RIT2: variants seen among roughly 807,000 people sequenced by gnomAD.
RIT2 encodes Ras like without CAAX 2, also known as GTP-binding protein Rit2.
RIT2 carries 24 observed loss-of-function variants against 23.7 expected under a neutral mutation model. The ratio of observed to expected loss-of-function variants is 1.01; its 90% CI spans 0.73 to 1.43. RIT2 has a LOEUF of 1.43. Ranked by LOEUF, RIT2 falls within the 40% of genes most tolerant of loss-of-function variation. The probability of loss-of-function intolerance (pLI) is 0.00; values close to 1 mark genes in which losing one functional copy is unlikely to be tolerated. For synonymous variants in RIT2, 107 were observed against 91.1 expected, an observed-to-expected ratio of 1.17 and a Z score of -0.99; for missense variants, 236 against 266.9, an observed-to-expected ratio of 0.88 and a Z score of 0.81.
chr18:43,082,613 A>T (rs1192790079), intron 1 of RIT2, among the ~76,000 whole-genome samples: 1 of 152,164 alleles, frequency 6.6e-6, no homozygotes, highest in Non-Finnish European at 1.5e-5. Flanking sequence ...CATAAACAGA[A>T]CCAATGACAA....
chr18:42,941,285 G>A (rs1035316802), intron 3 of RIT2, among the ~76,000 whole-genome samples: 1 of 152,128 alleles, frequency 6.6e-6, no homozygotes, highest in Admixed American at 6.6e-5. Flanking sequence ...AACCCGTCAA[G>A]ATGGTATGAT....
At chr18:42,888,881 T>C (rs575330930) in intron 4 of RIT2, among the ~76,000 whole-genome samples, 4 of 151,890 alleles carry the variant, frequency 2.6e-5, no homozygotes, top group South Asian at 2.1e-4. Context: ...GACATAAACA[T>C]GGAAACAATA....
At chr18:42,957,564 A>C (rs941698117) in intron 3 of RIT2, among the ~76,000 whole-genome samples, 1 of 152,146 alleles carries the variant, frequency 6.6e-6, no homozygotes, top group East Asian at 1.9e-4. Context: ...CAGGTGGATC[A>C]CTTGAGGTCA....
intron 4 of RIT2, among the ~76,000 whole-genome samples, chr18:42,814,374 G>T (rs1190610295): frequency 6.6e-6 from 1 of 152,156 alleles, no homozygotes; most frequent in East Asian, 1.9e-4. Flanking sequence ...GGTGCTATTG[G>T]TGGGGGCACA....
intron 2 of RIT2, among the ~76,000 whole-genome samples, chr18:42,997,782 A>C (rs1342096841): frequency 6.6e-6 from 1 of 152,190 alleles, no homozygotes; most frequent in South Asian, 2.1e-4. Flanking sequence ...TACCATCTCA[A>C]GGTGTTCCCA....
At chr18:43,050,494 T>C (rs182920725) in intron 1 of RIT2, among the ~76,000 whole-genome samples, 1 of 152,198 alleles carries the variant, frequency 6.6e-6, no homozygotes, top group Admixed American at 6.5e-5. Context: ...GGTGTGGTGT[T>C]ATGGTGTTTT....
intron 3 of RIT2, among the ~76,000 whole-genome samples, chr18:42,951,414 G>A (rs903903508): frequency 7.3e-5 from 11 of 151,702 alleles, no homozygotes; most frequent in African/African-American, 2.2e-4. Flanking sequence ...AGTAGATACC[G>A]GGGACTGCTA....
intron 4 of RIT2, among the ~76,000 whole-genome samples, chr18:42,894,205 A>G (rs1182651884): frequency 1.3e-5 from 2 of 152,208 alleles, no homozygotes; most frequent in Non-Finnish European, 2.9e-5. Context: ...TAGTCAATGC[A>G]GTAAGTGCTT....
chr18:42,977,965 C>T (rs1910511417), intron 2 of RIT2, among the ~76,000 whole-genome samples: 1 of 151,560 alleles, frequency 6.6e-6, no homozygotes, highest in South Asian at 2.1e-4. Flanking sequence ...TGTGGAATCA[C>T]TTGCAATTTA....
At chr18:42,927,961 G>A (rs999799566) in intron 3 of RIT2, among the ~76,000 whole-genome samples, 8 of 151,848 alleles carry the variant, frequency 5.3e-5, no homozygotes, top group South Asian at 2.1e-4. Flanking sequence ...CCAGCTCCCC[G>A]TTGCATTCAA....
intron 1 of RIT2, among the ~76,000 whole-genome samples, chr18:43,038,869 T>A (rs1912055925): frequency 1.3e-5 from 2 of 152,160 alleles, no homozygotes; most frequent in Admixed American, 6.5e-5. Flanking sequence ...ATCAAGGGTG[T>A]TGTCTTCTCT....
At chr18:42,946,782 G>C (rs1030846299) in intron 3 of RIT2, among the ~76,000 whole-genome samples, 7 of 151,992 alleles carry the variant, frequency 4.6e-5, no homozygotes, top group Non-Finnish European at 1.0e-4. Context: ...TTTCAGCAGA[G>C]ATGTAAATGA....
chr18:42,975,440 A>T (rs1910456660), intron 2 of RIT2, among the ~76,000 whole-genome samples: 1 of 152,004 alleles, frequency 6.6e-6, no homozygotes, highest in East Asian at 1.9e-4. Flanking sequence ...TTGTTGAGGA[A>T]TTTTGCATAT....
At chr18:42,998,126 ATAAACCAT>A (rs1222405755) in intron 2 of RIT2, among the ~76,000 whole-genome samples, 6 of 152,108 alleles carry the variant, frequency 3.9e-5, no homozygotes, top group African/African-American at 1.4e-4. Context: ...TGTTCTCTTA[ATAAACCAT>A]GGGATGGCAC....
intron 1 of RIT2, among the ~76,000 whole-genome samples, chr18:43,052,043 A>G (rs555017767): frequency 6.6e-6 from 1 of 152,252 alleles, no homozygotes; most frequent in South Asian, 2.1e-4. Flanking sequence ...AAGACGTGCC[A>G]GACAATAGCT....
chr18:42,744,375 T>C (rs1912870799), intron 4 of RIT2, among the ~76,000 whole-genome samples: 1 of 152,174 alleles, frequency 6.6e-6, no homozygotes, highest in African/African-American at 2.4e-5. Context: ...CCTAGAATTT[T>C]AGAATTTGAA....
At chr18:42,889,307 G>A (rs1456926268) in intron 4 of RIT2, among the ~76,000 whole-genome samples, 1 of 151,964 alleles carries the variant, frequency 6.6e-6, no homozygotes, top group Non-Finnish European at 1.5e-5. Flanking sequence ...TACAGGTGTA[G>A]TATTTAAGTT....
intron 2 of RIT2, among the ~76,000 whole-genome samples, chr18:42,995,672 A>T (rs978018149): frequency 1.3e-5 from 2 of 152,166 alleles, no homozygotes; most frequent in Non-Finnish European, 2.9e-5. Context: ...CACCAACTTA[A>T]AAAGGACTGG....
intron 4 of RIT2, among the ~76,000 whole-genome samples, chr18:42,868,174 T>A (rs1285829914): frequency 6.6e-6 from 1 of 152,204 alleles, no homozygotes; most frequent in Non-Finnish European, 1.5e-5. Context: ...ACATTCTTTT[T>A]TAACTGCTGG....
Sources: allele counts gnomAD v4.1 joint callset (sites outside exome capture counted in the v4.1 genomes callset), GRCh38; gene constraint gnomAD v4.1.1; transcripts MANE v1.5; gene names NCBI Gene and HGNC (gene_info 2026-07-23, HGNC 2026-07-21).